The following SRGAP1 variants were observed in gnomAD, a reference collection of about 807,000 sequenced individuals.
SRGAP1 encodes the protein SLIT-ROBO Rho GTPase activating protein 1, also known as SLIT-ROBO Rho GTPase-activating protein 1.
Under a neutral mutation model 121.9 loss-of-function variants are expected in SRGAP1, and 43 were observed. That is an observed-to-expected ratio of 0.35 (90% CI 0.28 to 0.46). The LOEUF (loss-of-function observed/expected upper bound fraction) is 0.46. Ranked by LOEUF, SRGAP1 falls within the 20% of genes least tolerant of loss-of-function variation. The pLI is 1.00. For synonymous variants in SRGAP1, 447 were observed against 485.4 expected (o/e 0.92, Z 1.04); for missense variants, 1,102 against 1,350.9 (o/e 0.82, Z 2.89).
At chr12:64,035,643 AG>A (rs1470818728) in intron 4 of SRGAP1, among the ~76,000 whole-genome samples, 13 of 152,212 alleles carry the variant, frequency 8.5e-5, no homozygotes, top group African/African-American at 3.1e-4. Context: ...GTGTGAATTC[AG>A]GAGTGTTTTA....
rs185606639 is a variant in SRGAP1 at position 63,896,188 on chromosome 12, A to G, written c.67+51305A>G. Among the ~76,000 whole-genome samples, 86 of 152,336 alleles carry G rather than the reference A, an allele frequency of 5.6e-4. 1 individual carries two copies. The highest frequency in any genetic ancestry group is 8.5e-4 in the Non-Finnish European group (58 of 68,024). On this transcript the variant is annotated intron_variant, in intron 1 of 21. Coordinates refer to ENST00000355086, the MANE Select transcript of SRGAP1 (RefSeq NM_020762.4). ...GAGTTTTGTGGGGGTTAAATGATCT[A>G]TTATCCATGTACTTGGCCTAGTGGC...
At chr12:64,014,561 T>G (rs955632202) in intron 3 of SRGAP1, among the ~76,000 whole-genome samples, 12 of 152,090 alleles carry the variant, frequency 7.9e-5, no homozygotes, top group Admixed American at 6.6e-5. Context: ...CAAACCCCCA[T>G]GACACAAGTT....
At chr12:63,865,468 C>G (rs1899595553) in intron 1 of SRGAP1, among the ~76,000 whole-genome samples, 1 of 152,022 alleles carries the variant, frequency 6.6e-6, no homozygotes, top group Non-Finnish European at 1.5e-5. Flanking sequence ...GATTCAGTCC[C>G]CACCCGCCGC....
intron 4 of SRGAP1, among the ~76,000 whole-genome samples, chr12:64,017,645 A>C (rs903800438): frequency 3.4e-5 from 5 of 148,768 alleles, no homozygotes. Flanking sequence ...ACAGAGTGAG[A>C]CTCTATCTCA....
In SRGAP1 at chr12:64,153,194, T is replaced by A. The variant is rs1025542681; in HGVS notation, c.*10522T>A. 10 of 151,892 alleles carry A rather than the reference T, an allele frequency of 6.6e-5. No homozygotes were observed. Among genetic ancestry groups the A allele is most frequent in the African/African-American group, 2.2e-4 (9 of 41,318 alleles). The allele number at this position is 151,892 out of a possible 1,614,324, so 9.4% of individuals were successfully genotyped here. Reference sequence around the variant, plus strand: ...TGCACATGGGAAAACAGGACCATGCTCACGTGGTTAAAGAGTCAAACACAT... The same window carrying A: ...TGCACATGGGAAAACAGGACCATGCACACGTGGTTAAAGAGTCAAACACAT... On this transcript the variant is annotated 3_prime_UTR_variant, in exon 22 of 22. Transcript: ENST00000355086.
At chr12:64,108,776 C>T (rs1479014522) in intron 15 of SRGAP1, 156 bp from the exon 16 acceptor site, 2 of 433,268 alleles carry the variant, frequency 4.6e-6, no homozygotes, top group Non-Finnish European at 8.1e-6. Flanking sequence ...TATACCCAAG[C>T]CGATCATTTA....
intron 17 of SRGAP1, among the ~76,000 whole-genome samples, chr12:64,114,331 C>CTTTTT (rs957049187): frequency 3.4e-5 from 3 of 89,252 alleles, no homozygotes; most frequent in East Asian, 3.0e-4. Flanking sequence ...ATATGGTTAG[C>CTTTTT]TTTTTTTTTT....
At chr12:64,125,233 G>C (rs1430239904) in intron 18 of SRGAP1, among the ~76,000 whole-genome samples, 3 of 152,038 alleles carry the variant, frequency 2.0e-5, no homozygotes, top group Non-Finnish European at 2.9e-5. Flanking sequence ...TTTGAGATTG[G>C]CTTTTTTCAC....
chr12:63,860,902 C>T (rs1314699236), intron 1 of SRGAP1, among the ~76,000 whole-genome samples: 1 of 150,586 alleles, frequency 6.6e-6, no homozygotes, highest in African/African-American at 2.4e-5. Context: ...CAGGTGTAAT[C>T]ATTGTGCATT....
chr12:64,051,203 A>C (rs577269395), intron 6 of SRGAP1, among the ~76,000 whole-genome samples: 17 of 152,358 alleles, frequency 1.1e-4, no homozygotes, highest in African/African-American at 4.1e-4. Flanking sequence ...TTGCAATAGA[A>C]TACATCATTA....
At chr12:63,852,610 G>A (rs999649383) in intron 1 of SRGAP1, among the ~76,000 whole-genome samples, 1 of 152,178 alleles carries the variant, frequency 6.6e-6, no homozygotes, top group African/African-American at 2.4e-5. Context: ...ACGTATTTAA[G>A]AATAACTTTT....
At chr12:63,935,410 GTATAGAAACAC>G (rs1303220169) in intron 1 of SRGAP1, among the ~76,000 whole-genome samples, 1 of 152,108 alleles carries the variant, frequency 6.6e-6, no homozygotes, top group East Asian at 1.9e-4. Context: ...TGACTTGGTT[GTATAGAAACAC>G]TGATTTACAC....
intron 12 of SRGAP1, chr12:64,091,782 G>C: frequency 1.2e-6 from 1 of 811,210 alleles, no homozygotes; most frequent in Admixed American, 2.3e-5. Flanking sequence ...CCCATGACTT[G>C]AGGAATTCAT....
chr12:63,849,733 A>G lies in SRGAP1; in HGVS notation c.67+4850A>G, dbSNP rs983245280. Among the ~76,000 whole-genome samples, 4 of 152,332 alleles carry G rather than the reference A, an allele frequency of 2.6e-5. No homozygotes were observed. The South Asian group carries it at 6.2e-4, about 24-fold the overall frequency. ...TTTAAGTTATGAATTAAAACTTTAT[A>G]GCTGGGAGGGACTTTTAACATTTTT... On this transcript the variant is annotated intron_variant, in intron 1 of 21. Coordinates refer to ENST00000355086, the MANE Select transcript of SRGAP1 (RefSeq NM_020762.4).
rs188383524 is a variant in SRGAP1 at position 64,144,987 on chromosome 12, C to T, written c.*2315C>T. ...GCTGGGATTACAGGCGCCACCACCA[C>T]GCCCAGCTAATTTTTGTATTTTTAG... On this transcript the variant is annotated 3_prime_UTR_variant, in exon 22 of 22. Transcript: ENST00000355086. 297 of 151,744 alleles carry T rather than the reference C, an allele frequency of 2.0e-3. No homozygotes were observed. Among genetic ancestry groups the T allele is most frequent in the Middle Eastern group, 3.4e-3 (1 of 298 alleles). The allele number at this position is 151,744 out of a possible 1,614,324, so 9.4% of individuals were successfully genotyped here.
At chr12:64,095,018 A>G in intron 13 of SRGAP1, 26 bp downstream of exon 13, 4 of 1,613,110 alleles carry the variant, frequency 2.5e-6, no homozygotes, top group Non-Finnish European at 2.5e-6. Flanking sequence ...CAGAATTCTT[A>G]TTTTTTAAAA....
intron 1 of SRGAP1, among the ~76,000 whole-genome samples, chr12:63,919,766 T>C (rs1415038395): frequency 6.6e-6 from 1 of 152,212 alleles, no homozygotes; most frequent in Admixed American, 6.5e-5. Context: ...ACTATACAGC[T>C]AATTTTGCTT....
chr12:63,867,498 A>G (rs1899677144), intron 1 of SRGAP1, among the ~76,000 whole-genome samples: 1 of 152,220 alleles, frequency 6.6e-6, no homozygotes, highest in South Asian at 2.1e-4. Context: ...CACAGTATAG[A>G]GGTTGAGACC....
At chr12:64,138,446 C>CT (rs60769104) in intron 21 of SRGAP1, among the ~76,000 whole-genome samples, 5,853 of 78,890 alleles carry the variant, frequency 0.074, 244 homozygotes, top group African/African-American at 0.099. Flanking sequence ...AATAAATTGA[C>CT]TTTTTTTTTT....
Sources: gnomAD v4.1 joint callset for allele counts (sites outside exome capture counted in the v4.1 genomes callset) on GRCh38, gnomAD v4.1.1 for gene constraint, MANE v1.5 for transcripts, NCBI Gene and HGNC (gene_info 2026-07-23, HGNC 2026-07-21) for gene names.